Variants in AZIN2 observed in about 807,000 individuals in gnomAD.
AZIN2 encodes ODC antizyme inhibitor-2.
A neutral mutation model predicts 47.8 loss-of-function variants in AZIN2; 28 were observed. That is an observed-to-expected ratio of 0.59 (90% CI 0.43 to 0.80). The LOEUF is 0.80. Ranked by LOEUF, AZIN2 falls within the 30% of genes least tolerant of loss-of-function variation. The probability of loss-of-function intolerance (pLI) is 0.00; values close to 1 mark genes in which losing one functional copy is unlikely to be tolerated. For missense variants in AZIN2, 535 were observed against 582.5 expected (o/e 0.92, Z 0.84); for synonymous variants, 221 against 239.4 (o/e 0.92, Z 0.71).
the AZIN2 span, among the ~76,000 whole-genome samples, chr1:33,144,574 C>T: frequency 6.6e-6 from 1 of 152,266 alleles, no homozygotes; most frequent in African/African-American, 2.4e-5. Context: ...CTGCTGGGCT[C>T]TAGGCCTGTC....
chr1:33,161,711 G>A, the AZIN2 span, among the ~76,000 whole-genome samples: 6 of 152,154 alleles, frequency 3.9e-5, no homozygotes, highest in South Asian at 2.1e-4. The surrounding 1 kb of genome is among the most constrained non-coding windows in gnomAD (Gnocchi z 4.3). Context: ...GATGGGGTCC[G>A]TCGTCCCTGC....
At chr1:33,165,904 C>T in the AZIN2 span, 1 of 188,640 alleles carries the variant, frequency 5.3e-6, no homozygotes, top group African/African-American at 2.3e-5. This position sits in a 1 kb window ranked among gnomAD's most constrained non-coding sequence, Gnocchi z 4.0. Context: ...GTCTCCAACC[C>T]CCAGGCCACA....
At chr1:33,091,973 C>T in intron 5 of AZIN2, 77 bp from the exon 6 acceptor site, 1 of 1,523,860 alleles carries the variant, frequency 6.6e-7, no homozygotes, top group South Asian at 1.2e-5. Context: ...ATGACTTTGC[C>T]CTCATCTGTG....
chr1:33,104,543 C>CGT (rs1553163927), intron 10 of AZIN2, among the ~76,000 whole-genome samples: 2 of 149,654 alleles, frequency 1.3e-5, no homozygotes, highest in African/African-American at 4.9e-5. Flanking sequence ...ATCTTTATTA[C>CGT]ATATATATAT....
intron 10 of AZIN2, among the ~76,000 whole-genome samples, chr1:33,107,302 C>T (rs949114079): frequency 8.6e-5 from 12 of 140,090 alleles, no homozygotes; most frequent in African/African-American, 2.4e-4. Context: ...ACACAAAGGC[C>T]GGCGCAGTGG....
intron 8 of AZIN2, among the ~76,000 whole-genome samples, chr1:33,095,212 C>A (rs532835687): frequency 6.6e-6 from 1 of 152,286 alleles, no homozygotes; most frequent in Non-Finnish European, 1.5e-5. Flanking sequence ...TCTTGGAAGG[C>A]GCCTCCTTCG....
At chr1:33,160,566 G>A in the AZIN2 span, among the ~76,000 whole-genome samples, 66 of 152,012 alleles carry the variant, frequency 4.3e-4, no homozygotes, top group Non-Finnish European at 8.4e-4. Context: ...CACTATGCCC[G>A]GATAATTTTT....
intron 7 of AZIN2, among the ~76,000 whole-genome samples, chr1:33,094,007 A>G (rs555088397): frequency 6.6e-6 from 1 of 152,184 alleles, no homozygotes; most frequent in Non-Finnish European, 1.5e-5. Flanking sequence ...TGCTGGGATT[A>G]CAGGTGTGAG....
chr1:33,083,362 G>T (rs1051972834), intron 4 of AZIN2: 2 of 163,428 alleles, frequency 1.2e-5, no homozygotes, highest in Non-Finnish European at 2.7e-5. Flanking sequence ...TACATGTTTG[G>T]CCTTTAGCAC....
At position 33,082,202 on chromosome 1, in the gene AZIN2, C is replaced by A. The variant is rs1169434984; in HGVS notation, c.-48C>A. ...GTGTGTTGCATACTTTCTAAGGCGGCGGCTGCAGCAGCGGCTCCATCCAGC... is the reference window on the plus strand; with the variant it reads ...GTGTGTTGCATACTTTCTAAGGCGGAGGCTGCAGCAGCGGCTCCATCCAGC... On this transcript the variant is annotated 5_prime_UTR_variant, in exon 4 of 12. Coordinates refer to ENST00000294517, the MANE Select transcript of AZIN2 (RefSeq NM_052998.4). 6.7e-7 allele frequency: 1 copy of A among 1,497,240 alleles called. No homozygotes were observed. The highest frequency in any genetic ancestry group is 9.3e-7 in the Non-Finnish European group (1 of 1,077,328). The allele number at this position is 1,497,240 out of a possible 1,614,324, so 92.7% of individuals were successfully genotyped here.
chr1:33,105,357 G>A (rs1410871848), intron 10 of AZIN2, among the ~76,000 whole-genome samples: 1 of 152,118 alleles, frequency 6.6e-6, no homozygotes, highest in African/African-American at 2.4e-5. Context: ...TTCATTGAGT[G>A]CTCTAAAATA....
chr1:33,145,877 C>G, the AZIN2 span: 1 of 471,042 alleles, frequency 2.1e-6, no homozygotes, highest in African/African-American at 2.0e-5. Context: ...ATGACATTTC[C>G]CAGACTCCCT....
intron 9 of AZIN2, among the ~76,000 whole-genome samples, chr1:33,097,614 G>C (rs1019261910): frequency 5.9e-5 from 9 of 152,194 alleles, no homozygotes; most frequent in African/African-American, 2.2e-4. Context: ...GTGGGCTCCA[G>C]GTAGAATGTC....
At chr1:33,134,251 A>C in the AZIN2 span, among the ~76,000 whole-genome samples, 3 of 152,350 alleles carry the variant, frequency 2.0e-5, no homozygotes, top group Admixed American at 2.0e-4. Flanking sequence ...TGATCCTCAC[A>C]GCAACCCAGC....
chr1:33,114,843 A>G (rs1192754109), intron 10 of AZIN2, among the ~76,000 whole-genome samples: 2 of 150,426 alleles, frequency 1.3e-5, no homozygotes, highest in African/African-American at 2.5e-5. Context: ...GGGTTTTGCC[A>G]TGTTGGCCAG....
At chr1:33,159,810 C>G in the AZIN2 span, 1 of 1,613,924 alleles carries the variant, frequency 6.2e-7, no homozygotes, top group African/African-American at 1.3e-5. The surrounding 1 kb of genome is among the most constrained non-coding windows in gnomAD (Gnocchi z 4.2). Context: ...GCTGGACTTT[C>G]TGCTCGATGT....
At position 33,120,305 on chromosome 1, in the gene AZIN2, C is replaced by T. The variant is rs888496952; in HGVS notation, c.*123C>T. ...TCTGGTGCCCACCCTGCCACCCCCG[C>T]GCTCCACCTGCAGTGTTTCTGCCCT... is the stretch of plus-strand genomic sequence containing the variant. On this transcript the variant is annotated 3_prime_UTR_variant, in exon 12 of 12. Coordinates refer to ENST00000294517, the MANE Select transcript of AZIN2 (RefSeq NM_052998.4). 13 of 1,357,516 alleles carry T rather than the reference C, an allele frequency of 9.6e-6. No individual in the cohort carries two copies. The highest frequency in any genetic ancestry group is 4.4e-5 in the African/African-American group (3 of 68,902). The allele number at this position is 1,357,516 out of a possible 1,614,324, so 84.1% of individuals were successfully genotyped here.
chr1:33,162,634 C>T, the AZIN2 span, among the ~76,000 whole-genome samples: 3 of 152,108 alleles, frequency 2.0e-5, no homozygotes, highest in African/African-American at 7.2e-5. Context: ...GGTGCAGGCT[C>T]CAGCTTCTTT....
chr1:33,159,834 G>C, the AZIN2 span: 31 of 1,613,726 alleles, frequency 1.9e-5, no homozygotes, highest in East Asian at 2.0e-4. The surrounding 1 kb of genome is among the most constrained non-coding windows in gnomAD (Gnocchi z 4.2). Flanking sequence ...TCAGCGTGCG[G>C]GCCGTGTCCG....
Sources: gnomAD v4.1 joint callset for allele counts (sites outside exome capture counted in the v4.1 genomes callset) on GRCh38, gnomAD v4.1.1 for gene constraint, Gnocchi (gnomAD v3.1) non-coding constraint, MANE v1.5 for transcripts, NCBI Gene and HGNC (gene_info 2026-07-23, HGNC 2026-07-21) for gene names.